The following PAK3 variants were observed in gnomAD, a reference collection of about 807,000 sequenced individuals.
PAK3 encodes the protein p21 (RAC1) activated kinase 3.
In PAK3, 4 loss-of-function variants were observed where a neutral mutation model predicts 41.0. The ratio of observed to expected loss-of-function variants is 0.10; its 90% confidence interval spans 0.05 to 0.22. PAK3 has a LOEUF of 0.22. Among genes scored for constraint, PAK3 ranks in the 10% least tolerant of loss-of-function variants. The pLI, the probability that PAK3 is intolerant of heterozygous loss-of-function variation, is 1.00. For synonymous variants in PAK3, 146 were observed against 139.6 expected (o/e 1.05, Z -0.32); for missense variants, 205 against 409.9 (o/e 0.50, Z 4.32).
intron 1 of PAK3, among the ~76,000 whole-genome samples, chrX:111,030,432 T>A (rs1258185675): frequency 8.9e-6 from 1 of 111,945 alleles, no homozygotes; most frequent in Non-Finnish European, 1.9e-5. Context: ...CCGATTTCCA[T>A]ATTTGCCACC....
intron 3 of PAK3, among the ~76,000 whole-genome samples, chrX:111,099,258 T>C (rs2093076059): frequency 8.9e-6 from 1 of 112,191 alleles, no homozygotes; most frequent in Non-Finnish European, 1.9e-5. Flanking sequence ...GAGTCACTAA[T>C]ACACACAGCC....
At chrX:110,951,123 T>C (rs948041455) in intron 1 of PAK3, among the ~76,000 whole-genome samples, 5 of 112,242 alleles carry the variant, frequency 4.5e-5, no homozygotes, top group African/African-American at 1.6e-4. Flanking sequence ...TTGCCTGTTT[T>C]TCTTTTGAGT....
At chrX:111,038,344 G>T (rs1241188483) in intron 1 of PAK3, among the ~76,000 whole-genome samples, 1 of 111,987 alleles carries the variant, frequency 8.9e-6, no homozygotes, top group Admixed American at 9.5e-5. Context: ...TTCTTTTGTG[G>T]ACCTGGTACT....
rs1352542084 is a variant in PAK3, at chrX:111,097,866, G to T, written c.-176+182G>T. Among the ~76,000 whole-genome samples the T allele has an allele frequency of 3.6e-5, 4 of 111,171 alleles. No individual in the cohort carries two copies. In the Admixed American group the frequency reaches 3.8e-4, roughly 11 times the overall value. ...TAAGCCTCTGTTTCTGGATACAAGT[G>T]TCATATCCCCCAGCCCATGCAAGAA... On this transcript the variant is annotated intron_variant, in intron 3 of 17. Transcript: ENST00000372007.
chrX:111,147,194 CTTT>C (rs1207296021), intron 6 of PAK3, among the ~76,000 whole-genome samples: 1 of 111,448 alleles, frequency 9.0e-6, no homozygotes, highest in African/African-American at 3.3e-5. Context: ...ACCAACCTGC[CTTT>C]ATAGTAAAGC....
chrX:111,132,201 T>A (rs1346019295), intron 5 of PAK3, among the ~76,000 whole-genome samples: 1 of 110,563 alleles, frequency 9.0e-6, no homozygotes, highest in Non-Finnish European at 1.9e-5. Flanking sequence ...AAGGATCATT[T>A]GTTAGGGAAA....
chrX:111,007,968 C>G (rs1438233101), intron 1 of PAK3, among the ~76,000 whole-genome samples: 1 of 111,861 alleles, frequency 8.9e-6, no homozygotes, highest in Non-Finnish European at 1.9e-5. Context: ...GGGCAAGTTA[C>G]TTAACATCTC....
At chrX:111,079,200 C>T (rs2092812946) in intron 1 of PAK3, among the ~76,000 whole-genome samples, 1 of 111,919 alleles carries the variant, frequency 8.9e-6, no homozygotes, top group South Asian at 3.7e-4. Flanking sequence ...TTCAATATAA[C>T]AAAACAGCCC....
In PAK3 at chrX:111,220,944, G is replaced by GCAAAAAAAAAAAAAAAAAAAAAAAAAA. The variant is rs2094923264; in HGVS notation, c.*515_*516insAAAAAAAAACAAAAAAAAAAAAAAAAA. 1 of 16,935 alleles carries GCAAAAAAAAAAAAAAAAAAAAAAAAAA rather than the reference G, an allele frequency of 5.9e-5. No homozygotes were observed. The highest frequency in any genetic ancestry group is 8.0e-4 in the Admixed American group (1 of 1,248). The allele number at this position is 16,935 out of a possible 1,213,427, so 1.4% of individuals were successfully genotyped here. Reference sequence around the variant, plus strand: ...AAAAAAAGAAAGCAAAAAAAGCAAGGCAAAAAAAAAAAAAAAAACAAACAA... The same window carrying GCAAAAAAAAAAAAAAAAAAAAAAAAAA: ...AAAAAAAGAAAGCAAAAAAAGCAAGGCAAAAAAAAAAAAAAAAAAAAAAAAAACAAAAAAAAAAAAAAAAACAAACAA... On this transcript the variant is annotated 3_prime_UTR_variant, in exon 18 of 18. Transcript: ENST00000372007.
chrX:111,193,997 T>C (rs1242259697), intron 13 of PAK3, among the ~76,000 whole-genome samples: 1 of 111,265 alleles, frequency 9.0e-6, no homozygotes, highest in Non-Finnish European at 1.9e-5. Flanking sequence ...GTTCATTCCA[T>C]TTCCTATAAT....
chrX:111,193,033 C>T (rs1239351452), intron 13 of PAK3, among the ~76,000 whole-genome samples: 1 of 111,838 alleles, frequency 8.9e-6, no homozygotes, highest in East Asian at 2.8e-4. Context: ...GGAATTCAGA[C>T]TTTAATCTCA....
intron 1 of PAK3, among the ~76,000 whole-genome samples, chrX:110,946,115 T>G (rs754739536): frequency 3.3e-4 from 37 of 110,921 alleles, no homozygotes; most frequent in African/African-American, 1.1e-3. Context: ...TATGCTTGAT[T>G]GGGGATGGGG....
Position 111,220,425 on chromosome X carries a change from C to A in PAK3, c.1613C>A (p.Ala538Glu). 8.4e-7 allele frequency: 1 copy of A among 1,190,175 alleles called. No homozygotes were observed. The highest frequency in any genetic ancestry group is 1.1e-6 in the Non-Finnish European group (1 of 876,884). The stretch of plus-strand genomic sequence containing the variant: ...CCTCTGATTATCGCTGCAAAGGAAG[C>A]AATTAAGAACAGCAGCCGCTAAGAC... ...LTPLIIAAKE[A>E]IKNSSR The change falls in exon 18 of 18, where the codon GCA becomes GAA. Residue 538 changes from alanine (A) to glutamate (E), a missense_variant. By Grantham distance (107) the Ala-to-Glu change is moderately radical. Transcript: ENST00000372007.
At position 111,147,730 on chromosome X, in the gene PAK3, TC is replaced by T. The variant is rs1412910026; in HGVS notation, c.277-5del. 1 of 1,179,416 alleles carries T rather than the reference TC, an allele frequency of 8.5e-7. No individual in the cohort carries two copies. Among genetic ancestry groups the T allele is most frequent in the South Asian group, 1.8e-5 (1 of 56,248 alleles). ...AGCTACCATTCTTTCCCTTTGGTTG[TC>T]CACAGGGAATTCCAGAGCAATGGGC... is the stretch of plus-strand genomic sequence containing the variant. On this transcript the variant is annotated splice_polypyrimidine_tract_variant and splice_region_variant and intron_variant, in intron 6 of 17. Coordinates refer to ENST00000372007, the MANE Select transcript of PAK3 (RefSeq NM_002578.5).
intron 6 of PAK3, among the ~76,000 whole-genome samples, chrX:111,145,150 T>C (rs960854293): frequency 8.9e-6 from 1 of 112,003 alleles, no homozygotes; most frequent in Non-Finnish European, 1.9e-5. Context: ...CGTGGCATAA[T>C]GAGATGGCTT....
intron 1 of PAK3, among the ~76,000 whole-genome samples, chrX:111,010,757 C>T (rs763000429): frequency 3.9e-4 from 44 of 111,808 alleles, no homozygotes; most frequent in Non-Finnish European, 4.3e-4. Context: ...GTACAGCCTG[C>T]GGAACTGTGA....
In PAK3 at chrX:111,226,366, C is replaced by T; in HGVS notation, c.*5919C>T. 1 of 111,528 alleles carries T rather than the reference C, an allele frequency of 9.0e-6. No individual in the cohort carries two copies. The highest frequency in any genetic ancestry group is 1.9e-5 in the Non-Finnish European group (1 of 53,186). The allele number at this position is 111,528 out of a possible 1,213,427, so 9.2% of individuals were successfully genotyped here. A position where few individuals can be genotyped will look rare whatever the true frequency, so the allele number is the denominator to read the frequency against. On this transcript the variant is annotated 3_prime_UTR_variant, in exon 18 of 18. Transcript: ENST00000372007. The stretch of plus-strand genomic sequence containing the variant: ...AAGTCTGGTTTTCATTAAGCTGTGG[C>T]CAGTATTTGCCACTACAACAGAAAC...
chrX:111,179,017 A>ATC (rs1370468503), intron 11 of PAK3, among the ~76,000 whole-genome samples: 2 of 105,547 alleles, frequency 1.9e-5, no homozygotes, highest in African/African-American at 3.4e-5. Context: ...ATATCTATAT[A>ATC]TATATATATA....
chrX:111,176,500 A>G (rs560718612), intron 11 of PAK3, among the ~76,000 whole-genome samples: 19 of 111,096 alleles, frequency 1.7e-4, no homozygotes, highest in African/African-American at 6.2e-4. Context: ...CTTAAAGTAA[A>G]ATTAAAAAAA....
Sources: gnomAD v4.1 joint callset for allele counts (sites outside exome capture counted in the v4.1 genomes callset) on GRCh38, gnomAD v4.1.1 for gene constraint, MANE v1.5 for transcripts, NCBI Gene and HGNC (gene_info 2026-07-23, HGNC 2026-07-21) for gene names.